The following RFX7 variants were observed in gnomAD, a reference collection of about 807,000 sequenced individuals.
RFX7 encodes regulatory factor X7.
A neutral mutation model predicts 111.8 loss-of-function variants in RFX7; 26 were observed. That is an observed-to-expected ratio of 0.23 (90% CI 0.17 to 0.32). The LOEUF (loss-of-function observed/expected upper bound fraction) is 0.32, where lower values mean the gene tolerates loss of function less well. Ranked by LOEUF, RFX7 falls within the 10% of genes least tolerant of loss-of-function variation. RFX7 has a pLI of 1.00. For synonymous variants in RFX7, 624 were observed against 624.4 expected, an observed-to-expected ratio of 1.00 and a Z score of 0.01; for missense variants, 1,573 against 1,772.9, an observed-to-expected ratio of 0.89 and a Z score of 2.02.
chr15:56,158,622 C>T (rs1020393925), intron 3 of RFX7, among the ~76,000 whole-genome samples: 2 of 152,158 alleles, frequency 1.3e-5, no homozygotes, highest in South Asian at 4.2e-4. Context: ...AAAATCTACT[C>T]TCATACCCTG....
chr15:56,133,503 T>C (rs539739377), intron 5 of RFX7, among the ~76,000 whole-genome samples: 170 of 152,172 alleles, frequency 1.1e-3, no homozygotes, highest in African/African-American at 4.0e-3. Context: ...ATTTCTTTCA[T>C]TGAGTATTGA....
chr15:56,095,721 C>T lies in RFX7; in HGVS notation c.2007G>A (p.Val669=), dbSNP rs775102000. The T allele has an allele frequency of 6.2e-7, 1 of 1,613,924 alleles. No homozygotes were observed. The highest frequency in any genetic ancestry group is 1.1e-5 in the South Asian group (1 of 91,076). The part of the protein sequence containing the change: ...RLSSTLQETQ[V]PPVKKPIVEQ... ...CCACAATTGGTTTCTTTACAGGAGG[C>T]ACCTGGGTCTCCTGCAATGTAGAAG... The change falls in exon 10 of 10, where the codon GTG becomes GTA. Residue 669 remains valine, a synonymous_variant. Transcript: ENST00000559447.
chr15:56,098,149 C>T lies in RFX7; in HGVS notation c.1039G>A (p.Gly347Arg). The change falls in exon 9 of 10, where the codon GGA (glycine) becomes AGA (arginine). Residue 347 changes from glycine to arginine, a missense_variant. Around this residue, in one of 7 missense-constraint regions of RFX7, gnomAD observed 288 missense variants for 337.9 expected, o/e 0.85. Coordinates refer to ENST00000559447, the MANE Select transcript of RFX7 (RefSeq NM_022841.7). ...TSNGVTNLPN[G>R]NPSILSPQPI... ...TGAGGAGAAAGGATTGAAGGATTTC[C>T]ATTAGGAAGATTAGTCACTCCATTG... 6.2e-7 allele frequency: 1 copy of T among 1,613,882 alleles called. No individual in the cohort carries two copies. The highest frequency in any genetic ancestry group is 8.5e-7 in the Non-Finnish European group (1 of 1,179,842).
intron 2 of RFX7, among the ~76,000 whole-genome samples, chr15:56,206,059 T>C (rs1033692998): frequency 6.6e-6 from 1 of 152,164 alleles, no homozygotes; most frequent in Non-Finnish European, 1.5e-5. Context: ...AAAATTACCA[T>C]ATGATCCAGC....
chr15:56,199,187 C>G (rs1359137580), intron 2 of RFX7, among the ~76,000 whole-genome samples: 1 of 152,170 alleles, frequency 6.6e-6, no homozygotes, highest in Non-Finnish European at 1.5e-5. Flanking sequence ...GATTCAACCA[C>G]TATAACCAGT....
chr15:56,219,958 G>A (rs1224304405), intron 2 of RFX7, among the ~76,000 whole-genome samples: 2 of 152,142 alleles, frequency 1.3e-5, no homozygotes, highest in Non-Finnish European at 2.9e-5. Context: ...TTTCCACAGT[G>A]GCTGAACTAA....
chr15:56,156,716 G>C (rs992486863), intron 3 of RFX7, among the ~76,000 whole-genome samples: 3 of 152,168 alleles, frequency 2.0e-5, no homozygotes, highest in Non-Finnish European at 4.4e-5. Flanking sequence ...TATTTCTCCA[G>C]ATTCTTGTTA....
At chr15:56,148,333 C>A (rs1471246818) in intron 3 of RFX7, among the ~76,000 whole-genome samples, 2 of 152,128 alleles carry the variant, frequency 1.3e-5, no homozygotes, top group African/African-American at 4.8e-5. Context: ...GACGGTTTTT[C>A]TGAACTTTTA....
In RFX7 at chr15:56,088,856, ATTC is replaced by A. The variant is rs2041561457; in HGVS notation, c.*4486_*4488del. On this transcript the variant is annotated 3_prime_UTR_variant, in exon 10 of 10. Coordinates refer to ENST00000559447, the MANE Select transcript of RFX7 (RefSeq NM_022841.7). ...GTAAACTTAGTTCGGCAGATTTCAA[ATTC>A]TTATTTTTTCTTCTACATAGTGTAG... is the stretch of plus-strand genomic sequence containing the variant. The A allele has an allele frequency of 6.6e-6, 1 of 152,182 alleles. No homozygotes were observed. Among genetic ancestry groups the A allele is most frequent in the African/African-American group, 2.4e-5 (1 of 41,442 alleles). 9.4% of individuals were successfully genotyped at this position (152,182 alleles called of 1,614,324 possible).
At chr15:56,171,652 A>G (rs548629810) in intron 3 of RFX7, among the ~76,000 whole-genome samples, 2 of 152,364 alleles carry the variant, frequency 1.3e-5, no homozygotes, top group East Asian at 1.9e-4. Flanking sequence ...GACTGCTGGC[A>G]CACAGAAGTC....
chr15:56,207,417 A>G (rs929951428), intron 2 of RFX7, among the ~76,000 whole-genome samples: 1 of 152,224 alleles, frequency 6.6e-6, no homozygotes, highest in Non-Finnish European at 1.5e-5. Flanking sequence ...AAAAATGACT[A>G]AAGTGGTAAA....
At chr15:56,098,986 A>G (rs1373329940) in intron 8 of RFX7, among the ~76,000 whole-genome samples, 1 of 152,240 alleles carries the variant, frequency 6.6e-6, no homozygotes, top group Non-Finnish European at 1.5e-5. Context: ...GAATTTCTTA[A>G]CAAGACTAAA....
intron 2 of RFX7, among the ~76,000 whole-genome samples, chr15:56,216,952 C>T (rs1360777935): frequency 6.6e-6 from 1 of 152,118 alleles, no homozygotes; most frequent in African/African-American, 2.4e-5. Context: ...CCATGCGTGG[C>T]TCTACGGATA....
At chr15:56,207,640 C>G (rs2043267516) in intron 2 of RFX7, among the ~76,000 whole-genome samples, 1 of 151,974 alleles carries the variant, frequency 6.6e-6, no homozygotes, top group Non-Finnish European at 1.5e-5. Context: ...AACATATTAT[C>G]CATAGAAAGA....
intron 2 of RFX7, among the ~76,000 whole-genome samples, chr15:56,226,478 C>T (rs2043484601): frequency 6.6e-6 from 1 of 151,942 alleles, no homozygotes. Flanking sequence ...TACAGTACAC[C>T]CTAGGGGAAA....
chr15:56,102,679 T>C (rs1269994619), intron 6 of RFX7, among the ~76,000 whole-genome samples: 1 of 152,210 alleles, frequency 6.6e-6, no homozygotes, highest in African/African-American at 2.4e-5. Flanking sequence ...GTTTCTCTTT[T>C]TCCACTGAAA....
intron 3 of RFX7, among the ~76,000 whole-genome samples, chr15:56,178,203 A>ACACACACACACG (rs1555423779): frequency 1.9e-4 from 28 of 148,888 alleles, no homozygotes; most frequent in African/African-American, 6.1e-4. Flanking sequence ...ACACACACAC[A>ACACACACACACG]CACACACAAC....
At position 56,169,760 on chromosome 15, in the gene RFX7, A is replaced by C. The variant is rs538316211; in HGVS notation, c.195+9510T>G. Among the ~76,000 whole-genome samples the C allele has an allele frequency of 3.2e-3, 456 of 144,494 alleles. 1 individual carries two copies. Among genetic ancestry groups the C allele is most frequent in the Non-Finnish European group, 5.4e-3 (364 of 66,882 alleles). The allele number at this position is 144,494 out of a possible 152,430, so 94.8% of individuals were successfully genotyped here. A position where few individuals can be genotyped will look rare whatever the true frequency, so the allele number is the denominator to read the frequency against. On this transcript the variant is annotated intron_variant, in intron 3 of 9. Coordinates refer to ENST00000559447, the MANE Select transcript of RFX7 (RefSeq NM_022841.7). ...CTCTTTGTCCCACTTCACCTGCTCA[A>C]ATCCTTCCTGCATTTATGCAATAAA... is the stretch of plus-strand genomic sequence containing the variant.
rs191614030 is a variant in RFX7 at position 56,165,718 on chromosome 15, A to G, written c.195+13552T>C. 6.2e-4 allele frequency among the ~76,000 whole-genome samples: 94 copies of G among 152,354 alleles called. 1 individual carries two copies. Among genetic ancestry groups the G allele is most frequent in the Middle Eastern group, 3.4e-3 (1 of 294 alleles). On this transcript the variant is annotated intron_variant, in intron 3 of 9. Transcript: ENST00000559447. ...TAGGGTATGCTAAGTTACCAAAAAT[A>G]TAGGCTACCTGCATTTTTTAAACCT...
Sources: gnomAD v4.1 joint callset for allele counts (sites outside exome capture counted in the v4.1 genomes callset) on GRCh38, gnomAD v4.1.1 for gene constraint, gnomAD v4.1.1 regional missense constraint, MANE v1.5 for transcripts, NCBI Gene and HGNC (gene_info 2026-07-23, HGNC 2026-07-21) for gene names.